MAGI2: variants seen among roughly 807,000 people sequenced by gnomAD.
MAGI2 encodes membrane associated guanylate kinase, WW and PDZ domain containing 2.
Under a neutral mutation model 133.3 loss-of-function variants are expected in MAGI2, and 35 were observed. The observed-to-expected ratio is 0.26, with a 90% CI of 0.20 to 0.35. The LOEUF (loss-of-function observed/expected upper bound fraction) is 0.35, where lower values mean the gene tolerates loss of function less well. Ranked by LOEUF, MAGI2 falls within the 10% of genes least tolerant of loss-of-function variation. The pLI, the probability that MAGI2 is intolerant of heterozygous loss-of-function variation, is 1.00. For synonymous variants in MAGI2, 729 were observed against 710.6 expected (o/e 1.03, Z -0.41); for missense variants, 1,636 against 1,863.4 (o/e 0.88, Z 2.25).
At chr7:79,119,608 A>G (rs1819710130) in intron 1 of MAGI2, among the ~76,000 whole-genome samples, 1 of 152,112 alleles carries the variant, frequency 6.6e-6, no homozygotes, top group African/African-American at 2.4e-5. Flanking sequence ...TTAGTTGGAA[A>G]CCTAGATTTT....
intron 3 of MAGI2, among the ~76,000 whole-genome samples, chr7:78,558,837 G>GTTTTTTTTTT (rs10691115): frequency 7.7e-6 from 1 of 130,054 alleles, no homozygotes; most frequent in Non-Finnish European, 1.6e-5. Flanking sequence ...TTGAGACACC[G>GTTTTTTTTTT]TTTTTTTTTT....
intron 2 of MAGI2, among the ~76,000 whole-genome samples, chr7:78,854,972 C>T (rs1793497845): frequency 6.6e-6 from 1 of 152,088 alleles, no homozygotes; most frequent in Non-Finnish European, 1.5e-5. Flanking sequence ...TCTACCTTAC[C>T]TTCCTGAGTA....
At chr7:78,760,029 T>C (rs1208964443) in intron 2 of MAGI2, among the ~76,000 whole-genome samples, 1 of 152,028 alleles carries the variant, frequency 6.6e-6, no homozygotes, top group Non-Finnish European at 1.5e-5. Context: ...GCAGAAGAAT[T>C]GCTTGAACCC....
chr7:78,492,160 G>A (rs1324619628), intron 5 of MAGI2, among the ~76,000 whole-genome samples: 3 of 151,854 alleles, frequency 2.0e-5, no homozygotes, highest in African/African-American at 7.3e-5. Context: ...CACCACCATG[G>A]GTCTCAAATA....
chr7:79,364,568 T>G (rs765134979), intron 1 of MAGI2, among the ~76,000 whole-genome samples: 1 of 152,058 alleles, frequency 6.6e-6, no homozygotes, highest in Non-Finnish European at 1.5e-5. Flanking sequence ...TAACTTAGAC[T>G]GAGGGTCTTG....
chr7:78,496,988 A>G (rs1794143982), intron 5 of MAGI2, among the ~76,000 whole-genome samples: 1 of 152,172 alleles, frequency 6.6e-6, no homozygotes, highest in Admixed American at 6.5e-5. Flanking sequence ...TCAGTTTCAT[A>G]AAGTAAGGAT....
intron 4 of MAGI2, among the ~76,000 whole-genome samples, chr7:78,510,062 A>G (rs1346433456): frequency 6.6e-6 from 1 of 152,220 alleles, no homozygotes; most frequent in East Asian, 1.9e-4. Flanking sequence ...ATGGCTGGAA[A>G]ACATTTAAGC....
At chr7:78,242,978 G>A (rs1380946482) in intron 10 of MAGI2, among the ~76,000 whole-genome samples, 1 of 152,008 alleles carries the variant, frequency 6.6e-6, no homozygotes, top group African/African-American at 2.4e-5. Context: ...AGGCTGAGGT[G>A]GGGGGATCGC....
At chr7:78,282,032 T>C (rs557844456) in intron 9 of MAGI2, among the ~76,000 whole-genome samples, 1,587 of 72,726 alleles carry the variant, frequency 0.022, 28 homozygotes, top group African/African-American at 0.12. Context: ...TCTAATACCA[T>C]TGAATTGCCT....
At chr7:78,129,935 C>CAAAAAAAA (rs61675652) in intron 18 of MAGI2, among the ~76,000 whole-genome samples, 7 of 57,154 alleles carry the variant, frequency 1.2e-4, no homozygotes, top group Admixed American at 2.6e-4. Context: ...AACTCCGCCT[C>CAAAAAAAA]AAAAAAAAAA....
At chr7:78,499,038 TA>T (rs1794381108) in intron 5 of MAGI2, among the ~76,000 whole-genome samples, 1 of 139,116 alleles carries the variant, frequency 7.2e-6, no homozygotes, top group Non-Finnish European at 1.5e-5. Flanking sequence ...TTAGGAAGAT[TA>T]AAAAACTACA....
At chr7:78,867,963 A>T (rs995719389) in intron 2 of MAGI2, among the ~76,000 whole-genome samples, 3 of 152,044 alleles carry the variant, frequency 2.0e-5, no homozygotes, top group Non-Finnish European at 2.9e-5. Flanking sequence ...TAAGAGGGGG[A>T]CCAACGAAGA....
At chr7:79,231,593 TTGTC>T (rs1831377903) in intron 1 of MAGI2, among the ~76,000 whole-genome samples, 1 of 100,414 alleles carries the variant, frequency 1.0e-5, no homozygotes, top group South Asian at 3.3e-4. Flanking sequence ...GGCTCTCTGT[TTGTC>T]TGTTGTCGGT....
intron 2 of MAGI2, among the ~76,000 whole-genome samples, chr7:78,895,151 G>T (rs1156892093): frequency 1.3e-5 from 2 of 152,100 alleles, no homozygotes; most frequent in African/African-American, 4.8e-5. Context: ...ACAGGAACAG[G>T]TTAGTTATTA....
intron 3 of MAGI2, among the ~76,000 whole-genome samples, chr7:78,568,972 C>T (rs1801225595): frequency 6.6e-6 from 1 of 152,064 alleles, no homozygotes; most frequent in African/African-American, 2.4e-5. Context: ...CTTTCACTTG[C>T]TGTTTGCCCT....
At chr7:79,285,623 T>C (rs1835942802) in intron 1 of MAGI2, among the ~76,000 whole-genome samples, 1 of 152,134 alleles carries the variant, frequency 6.6e-6, no homozygotes, top group Admixed American at 6.6e-5. Flanking sequence ...TTTTTTATTC[T>C]TTTAAATCTT....
At chr7:78,409,890 G>A (rs1036862073) in intron 6 of MAGI2, among the ~76,000 whole-genome samples, 3 of 151,940 alleles carry the variant, frequency 2.0e-5, no homozygotes, top group African/African-American at 7.2e-5. Context: ...CTCTTTTTCT[G>A]TCATATTAAC....
chr7:78,556,047 T>C (rs995549858), intron 3 of MAGI2, among the ~76,000 whole-genome samples: 1 of 152,176 alleles, frequency 6.6e-6, no homozygotes, highest in South Asian at 2.1e-4. Context: ...TATGTTAGCA[T>C]ATCTGGAAAG....
intron 1 of MAGI2, among the ~76,000 whole-genome samples, chr7:79,243,351 A>T (rs748862756): frequency 2.6e-5 from 4 of 152,198 alleles, no homozygotes; most frequent in Non-Finnish European, 4.4e-5. Flanking sequence ...CTTGTTTTTA[A>T]ATTTTAATTC....
Sources: allele counts gnomAD v4.1 joint callset (sites outside exome capture counted in the v4.1 genomes callset), GRCh38; gene constraint gnomAD v4.1.1; transcripts MANE v1.5; gene names NCBI Gene and HGNC (gene_info 2026-07-23, HGNC 2026-07-21).